NEBL: variants seen among roughly 807,000 people sequenced by gnomAD.
The protein encoded by NEBL is LIM and SH3 protein 2.
In NEBL, 122 loss-of-function variants were observed where a neutral mutation model predicts 140.2. That is an observed-to-expected ratio of 0.87 (90% CI 0.75 to 1.01). The LOEUF (loss-of-function observed/expected upper bound fraction) is 1.01. Among genes scored for constraint, NEBL ranks in the 50% least tolerant of loss-of-function variants. The pLI, the probability that NEBL is intolerant of heterozygous loss-of-function variation, is 0.00. For synonymous variants in NEBL, 436 were observed against 398.9 expected (o/e 1.09, Z -1.11); for missense variants, 1,365 against 1,231.3 (o/e 1.11, Z -1.62).
At chr10:20,979,581 T>C (rs1836948360) in intron 3 of NEBL, among the ~76,000 whole-genome samples, 1 of 152,264 alleles carries the variant, frequency 6.6e-6, no homozygotes, top group Non-Finnish European at 1.5e-5. Flanking sequence ...CAGAGTAGAA[T>C]TGCATCGTGA....
At chr10:20,971,356 A>G (rs373732472) in intron 3 of NEBL, among the ~76,000 whole-genome samples, 1 of 152,250 alleles carries the variant, frequency 6.6e-6, no homozygotes, top group South Asian at 2.1e-4. Context: ...TTCTGAACAC[A>G]TGTTCTCTTA....
In NEBL at chr10:20,800,204, A is replaced by G. The variant is rs71486477; in HGVS notation, c.2761+8306T>C. The stretch of plus-strand genomic sequence containing the variant: ...GACCTTTCTTTTTCAGATTCCACAT[A>G]TAAGTGGGATCATGCAATATTTTTC... On this transcript the variant is annotated intron_variant, in intron 26 of 27. Transcript: ENST00000377122. Among the ~76,000 whole-genome samples the G allele has an allele frequency of 4.0e-3, 593 of 148,402 alleles. 1 individual carries two copies. Among genetic ancestry groups the G allele is most frequent in the Non-Finnish European group, 6.5e-3 (440 of 67,658 alleles).
At chr10:20,993,191 G>A (rs1837535109) in intron 3 of NEBL, among the ~76,000 whole-genome samples, 3 of 152,086 alleles carry the variant, frequency 2.0e-5, no homozygotes, top group Admixed American at 2.0e-4. Context: ...TTAAATAGGG[G>A]TGTCTAATTC....
chr10:21,186,257 A>AACACACACACACACACACACACAC, intron 3 of NEBL, among the ~76,000 whole-genome samples: 1 of 124,822 alleles, frequency 8.0e-6, no homozygotes, highest in African/African-American at 2.8e-5. Flanking sequence ...TATATATACA[A>AACACACACACACACACACACACAC]ACACACACAC....
intron 3 of NEBL, among the ~76,000 whole-genome samples, chr10:21,208,015 A>AC (rs1397231421): frequency 2.0e-5 from 3 of 152,210 alleles, no homozygotes; most frequent in Non-Finnish European, 4.4e-5. Context: ...AACTACACTG[A>AC]GACAGCAGAG....
chr10:21,008,880 T>G (rs1029297822), intron 3 of NEBL, among the ~76,000 whole-genome samples: 1 of 151,868 alleles, frequency 6.6e-6, no homozygotes, highest in African/African-American at 2.4e-5. Flanking sequence ...GCATATTGTA[T>G]GTAATGTATG....
chr10:21,277,208 CTTTTT>C (rs1260862410), intron 1 of NEBL, among the ~76,000 whole-genome samples: 2 of 133,554 alleles, frequency 1.5e-5, no homozygotes, highest in African/African-American at 2.9e-5. Context: ...ATATTTCTTT[CTTTTT>C]TTTTTTTTTT....
At chr10:20,828,793 C>A (rs1156459877) in intron 16 of NEBL, among the ~76,000 whole-genome samples, 159 bp from the exon 17 acceptor site, 1 of 151,700 alleles carries the variant, frequency 6.6e-6, no homozygotes, top group Non-Finnish European at 1.5e-5. Context: ...GGTGGAGAGA[C>A]AGAGATAGAA....
At chr10:20,971,542 C>G (rs1009429268) in intron 3 of NEBL, among the ~76,000 whole-genome samples, 14 of 150,196 alleles carry the variant, frequency 9.3e-5, no homozygotes, top group Admixed American at 6.6e-5. Context: ...GTGCGCTGCA[C>G]CCACTAACTC....
At chr10:21,270,849 A>G (rs1564553205) in intron 1 of NEBL, among the ~76,000 whole-genome samples, 1 of 152,234 alleles carries the variant, frequency 6.6e-6, no homozygotes, top group Non-Finnish European at 1.5e-5. Context: ...TACATTAAAG[A>G]GAACAGAATG....
intron 2 of NEBL, among the ~76,000 whole-genome samples, chr10:21,061,527 A>G (rs1835307352): frequency 6.8e-6 from 1 of 147,300 alleles, no homozygotes; most frequent in African/African-American, 2.5e-5. Context: ...TATATATCAC[A>G]TATTACATCA....
Position 21,166,238 on chromosome 10 carries a change from AAAAAAAAGAAAAG to A in NEBL, c.164+6132_164+6144del, listed in dbSNP as rs1451059923. Among the ~76,000 whole-genome samples the A allele has an allele frequency of 2.1e-4, 26 of 121,982 alleles. 4 individuals are homozygous for A. Among genetic ancestry groups the A allele is most frequent in the East Asian group, 1.2e-3 (3 of 2,500 alleles). 80.0% of individuals were successfully genotyped at this position (121,982 alleles called of 152,430 possible). A position where few individuals can be genotyped will look rare whatever the true frequency, so the allele number is the denominator to read the frequency against. Reference sequence around the variant, plus strand: ...GTGTCTCAAAAAAAAAAAAAAAAAAAAAAAAAAGAAAAGAAAAAAAAATTTTCTACATCATGAT... The same window carrying A: ...GTGTCTCAAAAAAAAAAAAAAAAAAAAAAAAAAAATTTTCTACATCATGAT... On this transcript the variant is annotated intron_variant, in intron 2 of 6. Coordinates refer to the NEBL transcript ENST00000417816.
At chr10:21,193,407 G>C (rs1841605155) in intron 3 of NEBL, among the ~76,000 whole-genome samples, 1 of 152,128 alleles carries the variant, frequency 6.6e-6, no homozygotes, top group South Asian at 2.1e-4. Flanking sequence ...TGATGAGTTG[G>C]GGAAGCTTCA....
rs186996055 is a variant in NEBL at position 21,110,657 on chromosome 10, C to T, written c.164+61726G>A. The stretch of plus-strand genomic sequence containing the variant: ...CATTTATCTCCATCCATCTTCTCTC[C>T]TACCTAAGCATATGCCACCACCCCA... On this transcript the variant is annotated intron_variant, in intron 2 of 6. Coordinates refer to the NEBL transcript ENST00000417816. The T allele has an allele frequency of 1.9e-3, 782 of 418,028 alleles. 1 individual carries two copies. Among genetic ancestry groups the T allele is most frequent in the Non-Finnish European group, 2.9e-3 (631 of 213,944 alleles). The allele number at this position is 418,028 out of a possible 1,614,324, so 25.9% of individuals were successfully genotyped here.
At chr10:21,030,397 G>C in intron 2 of NEBL, 3 of 616,402 alleles carry the variant, frequency 4.9e-6, no homozygotes, top group Non-Finnish European at 9.1e-6. Flanking sequence ...AGACTGAAAA[G>C]TCTCTAGAAA....
At chr10:20,946,047 A>G (rs1342876460) in intron 4 of NEBL, among the ~76,000 whole-genome samples, 1 of 152,224 alleles carries the variant, frequency 6.6e-6, no homozygotes, top group Non-Finnish European at 1.5e-5. Context: ...GCCCTTCATG[A>G]ATGTTCGTTC....
chr10:21,135,846 C>G (rs1839331827), intron 2 of NEBL, among the ~76,000 whole-genome samples: 1 of 152,174 alleles, frequency 6.6e-6, no homozygotes, highest in Non-Finnish European at 1.5e-5. Context: ...GCTGGAAATC[C>G]AGCTCTTCCT....
At chr10:21,290,673 G>C (rs1302843073) in intron 1 of NEBL, among the ~76,000 whole-genome samples, 1 of 152,144 alleles carries the variant, frequency 6.6e-6, no homozygotes, top group Non-Finnish European at 1.5e-5. Flanking sequence ...TTTGTTCACA[G>C]TGCAGTTCTT....
At chr10:21,253,317 A>G (rs1439207505) in intron 1 of NEBL, among the ~76,000 whole-genome samples, 1 of 152,140 alleles carries the variant, frequency 6.6e-6, no homozygotes, top group African/African-American at 2.4e-5. Context: ...CTGACTGTGG[A>G]GTGTTGAGAA....
Sources: allele counts gnomAD v4.1 joint callset (sites outside exome capture counted in the v4.1 genomes callset), GRCh38; gene constraint gnomAD v4.1.1; transcripts MANE v1.5; gene names NCBI Gene and HGNC (gene_info 2026-07-23, HGNC 2026-07-21).